MTA3: variants seen among roughly 807,000 people sequenced by gnomAD.
MTA3 encodes metastasis-associated protein MTA3.
Under a neutral mutation model 83.5 loss-of-function variants are expected in MTA3, and 34 were observed. The observed-to-expected ratio is 0.41, with a 90% confidence interval of 0.31 to 0.54. The LOEUF is 0.54. MTA3 is among the 20% of genes least tolerant of loss of function. MTA3 has a pLI of 0.33. For missense variants in MTA3, 761 were observed against 726.4 expected (o/e 1.05, Z -0.55); for synonymous variants, 303 against 252.7 (o/e 1.20, Z -1.89).
intron 2 of MTA3, among the ~76,000 whole-genome samples, chr2:42,504,173 A>G (rs56661035): frequency 0.68 from 103,837 of 151,868 alleles, 35,979 homozygotes; most frequent in Middle Eastern, 0.82. Flanking sequence ...CAGGTGATCC[A>G]TCCGCCTTGG....
At chr2:42,573,262 C>T (rs1051996057) in intron 2 of MTA3, among the ~76,000 whole-genome samples, 4 of 152,192 alleles carry the variant, frequency 2.6e-5, no homozygotes, top group Non-Finnish European at 4.4e-5. Context: ...AGAAGGCAAG[C>T]CTGACCTAGG....
At chr2:42,634,758 A>G (rs62142707) in intron 4 of MTA3, among the ~76,000 whole-genome samples, 2,636 of 142,752 alleles carry the variant, frequency 0.018, 39 homozygotes, top group Non-Finnish European at 0.031. Flanking sequence ...GTCATTTTCA[A>G]CTCCTCTCGA....
intron 11 of MTA3, among the ~76,000 whole-genome samples, chr2:42,700,504 G>A (rs1248184739): frequency 1.3e-5 from 2 of 152,276 alleles, no homozygotes; most frequent in Non-Finnish European, 2.9e-5. Context: ...TCTAGATTCA[G>A]TTGAGCAATG....
At chr2:42,538,443 C>T (rs1426373922) in intron 2 of MTA3, among the ~76,000 whole-genome samples, 1 of 151,858 alleles carries the variant, frequency 6.6e-6, no homozygotes, top group Non-Finnish European at 1.5e-5. Flanking sequence ...TGCGGTGGCT[C>T]ATGCCTGTAA....
chr2:42,754,458 C>T lies in MTA3; in HGVS notation c.*1059C>T, dbSNP rs1573865954. The T allele has an allele frequency of 2.0e-6, 2 of 985,498 alleles. No homozygotes were observed. Among genetic ancestry groups the T allele is most frequent in the Non-Finnish European group, 2.4e-6 (2 of 830,012 alleles). The allele number at this position is 985,498 out of a possible 1,614,324, so 61.0% of individuals were successfully genotyped here. A position where few individuals can be genotyped will look rare whatever the true frequency, so the allele number is the denominator to read the frequency against. On this transcript the variant is annotated 3_prime_UTR_variant, in exon 17 of 17. Transcript: ENST00000405094. ...GCCTGCTCCTTTGGCTTGGGCTCTT[C>T]GTGTTTCCCACCTGCCCTCGGCACG...
At position 42,756,083 on chromosome 2, in the gene MTA3, A is replaced by G; in HGVS notation, c.*2684A>G. The G allele has an allele frequency of 1.1e-6, 1 of 949,510 alleles. No homozygotes were observed. Among genetic ancestry groups the G allele is most frequent in the Admixed American group, 6.1e-5 (1 of 16,272 alleles). The allele number at this position is 949,510 out of a possible 1,614,324, so 58.8% of individuals were successfully genotyped here. A position where few individuals can be genotyped will look rare whatever the true frequency, so the allele number is the denominator to read the frequency against. On this transcript the variant is annotated 3_prime_UTR_variant, in exon 17 of 17. Transcript: ENST00000405094. ...GATTTGTTTAACACAAAACAAGAAA[A>G]GCTGAGAGGCAAAACAGGGGAGTGA...
At chr2:42,622,931 C>T (rs115006273) in intron 4 of MTA3, among the ~76,000 whole-genome samples, 2,594 of 152,168 alleles carry the variant, frequency 0.017, 33 homozygotes, top group Middle Eastern at 0.041. Flanking sequence ...AATTAAGATA[C>T]GGTATATTAG....
chr2:42,717,565 G>A (rs936210151), intron 14 of MTA3, among the ~76,000 whole-genome samples: 2 of 152,078 alleles, frequency 1.3e-5, no homozygotes, highest in African/African-American at 2.4e-5. Context: ...TCTTACAATA[G>A]GGTATAATGA....
Position 42,739,017 on chromosome 2 carries a change from G to C in MTA3, c.1760-14357G>C, listed in dbSNP as rs145657607. Among the ~76,000 whole-genome samples, 286 of 152,318 alleles carry C rather than the reference G, an allele frequency of 1.9e-3. 3 individuals carry two copies. Among genetic ancestry groups the C allele is most frequent in the African/African-American group, 6.5e-3 (270 of 41,576 alleles). ...AATTTCGCCTGGGTCCTGTGGTCCT[G>C]TGATCTCGCCCTGCCTCCACTTGCC... On this transcript the variant is annotated intron_variant, in intron 16 of 16. Coordinates refer to ENST00000405094, the MANE Select transcript of MTA3 (RefSeq NM_001330442.2).
chr2:42,722,568 C>A (rs1390611237), intron 15 of MTA3, among the ~76,000 whole-genome samples: 1 of 152,202 alleles, frequency 6.6e-6, no homozygotes, highest in African/African-American at 2.4e-5. Flanking sequence ...TGTCTAATAT[C>A]TTGAGGAGTC....
At chr2:42,604,204 G>C (rs1056007995) in intron 3 of MTA3, among the ~76,000 whole-genome samples, 2 of 152,056 alleles carry the variant, frequency 1.3e-5, no homozygotes, top group African/African-American at 4.8e-5. Flanking sequence ...ACTATGCCCA[G>C]CTAATATTTT....
chr2:42,697,975 C>T, intron 11 of MTA3, 141 bp downstream of exon 11: 1 of 571,580 alleles, frequency 1.7e-6, no homozygotes, highest in Non-Finnish European at 3.0e-6. Context: ...TACTATTATA[C>T]CACTACAATA....
chr2:42,659,967 C>G (rs557407573), intron 8 of MTA3, 105 bp downstream of exon 8: 2 of 675,956 alleles, frequency 3.0e-6, no homozygotes, highest in East Asian at 7.1e-5. Flanking sequence ...GGGCTCTTAG[C>G]CTTCCTGACT....
In MTA3 at chr2:42,754,552, G is replaced by A. The variant is rs1458716500; in HGVS notation, c.*1153G>A. 1 of 985,350 alleles carries A rather than the reference G, an allele frequency of 1.0e-6. No homozygotes were observed. The highest frequency in any genetic ancestry group is 1.2e-6 in the Non-Finnish European group (1 of 829,948). The allele number at this position is 985,350 out of a possible 1,614,324, so 61.0% of individuals were successfully genotyped here. A position where few individuals can be genotyped will look rare whatever the true frequency, so the allele number is the denominator to read the frequency against. The stretch of plus-strand genomic sequence containing the variant: ...AGCTGTGCTACTTGTGCTGGCAGCT[G>A]CAAGGATAGGAATAGCTCAGCGCCC... On this transcript the variant is annotated 3_prime_UTR_variant, in exon 17 of 17. Transcript: ENST00000405094.
intron 8 of MTA3, among the ~76,000 whole-genome samples, chr2:42,681,366 TTCTG>T (rs1691891613): frequency 6.6e-6 from 1 of 152,238 alleles, no homozygotes; most frequent in Non-Finnish European, 1.5e-5. Context: ...ATTGTTTTCT[TTCTG>T]TCTTAGTACA....
At chr2:42,746,696 A>G (rs1202173409) in intron 16 of MTA3, among the ~76,000 whole-genome samples, 1 of 152,264 alleles carries the variant, frequency 6.6e-6, no homozygotes, top group African/African-American at 2.4e-5. Context: ...AATAGGAGAA[A>G]CATGTTTACC....
At chr2:42,578,131 C>T (rs1573033349) in intron 2 of MTA3, among the ~76,000 whole-genome samples, 1 of 152,112 alleles carries the variant, frequency 6.6e-6, no homozygotes, top group East Asian at 1.9e-4. Flanking sequence ...TTATATTCTT[C>T]TTTGTATTTG....
At chr2:42,639,241 A>C (rs1481412080) in intron 4 of MTA3, among the ~76,000 whole-genome samples, 2 of 151,826 alleles carry the variant, frequency 1.3e-5, no homozygotes, top group Admixed American at 1.3e-4. Flanking sequence ...CTAGCTTCTT[A>C]TTTAATATAT....
chr2:42,699,623 C>G (rs762733885), intron 11 of MTA3, among the ~76,000 whole-genome samples: 4 of 152,136 alleles, frequency 2.6e-5, no homozygotes, highest in Non-Finnish European at 5.9e-5. Flanking sequence ...TTGGAGGTGA[C>G]TGACTTTTAT....
Sources: allele counts gnomAD v4.1 joint callset (sites outside exome capture counted in the v4.1 genomes callset), GRCh38; gene constraint gnomAD v4.1.1; transcripts MANE v1.5; gene names NCBI Gene and HGNC (gene_info 2026-07-23, HGNC 2026-07-21).